GABBR2: variants seen among roughly 807,000 people sequenced by gnomAD.
GABBR2 encodes G-protein coupled receptor 51.
A neutral mutation model predicts 105.6 loss-of-function variants in GABBR2; 23 were observed. That is an observed-to-expected ratio of 0.22 (90% confidence interval 0.16 to 0.31). The LOEUF (loss-of-function observed/expected upper bound fraction) is 0.31, where lower values mean the gene tolerates loss of function less well. GABBR2 is among the 10% of genes least tolerant of loss of function. The pLI, the probability that GABBR2 is intolerant of heterozygous loss-of-function variation, is 1.00. For missense variants in GABBR2, 734 were observed against 1,245.5 expected, an observed-to-expected ratio of 0.59 and a Z score of 6.18; for synonymous variants, 478 against 499.7, an observed-to-expected ratio of 0.96 and a Z score of 0.58.
At chr9:98,414,850 T>C (rs1006385072) in intron 7 of GABBR2, among the ~76,000 whole-genome samples, 1 of 152,162 alleles carries the variant, frequency 6.6e-6, no homozygotes, top group African/African-American at 2.4e-5. Flanking sequence ...TCAACCAGAT[T>C]GATAGGATCT....
Position 98,351,589 on chromosome 9 carries a change from A to G in GABBR2, c.1893+11126T>C, listed in dbSNP as rs1425670223. The stretch of plus-strand genomic sequence containing the variant: ...AGAAATTCTTTCTTTTGCTTGATCT[A>G]GTCTATTTTTGAAGCTCTCAATTGT... On this transcript the variant is annotated intron_variant, in intron 13 of 18. Coordinates refer to ENST00000259455, the MANE Select transcript of GABBR2 (RefSeq NM_005458.8). Among the ~76,000 whole-genome samples the G allele has an allele frequency of 1.1e-4, 17 of 152,302 alleles. 1 individual carries two copies. The East Asian group carries it at 3.3e-3, about 29-fold the overall frequency.
chr9:98,403,111 T>C (rs1257122702), intron 8 of GABBR2, among the ~76,000 whole-genome samples: 2 of 151,892 alleles, frequency 1.3e-5, no homozygotes, highest in African/African-American at 4.8e-5. Flanking sequence ...CTGGCCAATA[T>C]GGTGAAACCC....
chr9:98,440,852 G>C lies in GABBR2; in HGVS notation c.1236+13129C>G, dbSNP rs143738065. On this transcript the variant is annotated intron_variant, in intron 7 of 18. Transcript: ENST00000259455. ...ATCCTGTCGGCTAAAATTTATGTCA[G>C]CTGTCTTCTCCTGATTTTAGAAAAC... Among the ~76,000 whole-genome samples the C allele has an allele frequency of 9.8e-3, 1,488 of 152,272 alleles. 12 individuals are homozygous for C. Among genetic ancestry groups the C allele is most frequent in the Non-Finnish European group, 0.017 (1,129 of 68,020 alleles).
intron 1 of GABBR2, among the ~76,000 whole-genome samples, chr9:98,596,825 C>T (rs1829242678): frequency 1.3e-5 from 2 of 152,176 alleles, no homozygotes; most frequent in Admixed American, 6.5e-5. Flanking sequence ...ACCCCCTCCC[C>T]TTAACAGCTA....
chr9:98,641,199 T>C (rs973934245), intron 1 of GABBR2, among the ~76,000 whole-genome samples: 3 of 151,142 alleles, frequency 2.0e-5, no homozygotes, highest in African/African-American at 7.3e-5. Context: ...AGTGGCACGA[T>C]CTCGGCTCAC....
At chr9:98,638,051 G>C (rs1024571863) in intron 1 of GABBR2, among the ~76,000 whole-genome samples, 1 of 152,138 alleles carries the variant, frequency 6.6e-6, no homozygotes, top group Non-Finnish European at 1.5e-5. Flanking sequence ...AACCTGCCCG[G>C]GGTCATACAG....
At chr9:98,636,589 G>A (rs1211783588) in intron 1 of GABBR2, among the ~76,000 whole-genome samples, 1 of 138,540 alleles carries the variant, frequency 7.2e-6, no homozygotes, top group Non-Finnish European at 1.5e-5. Context: ...CACCTCCTGG[G>A]TTCAAGCAAT....
intron 11 of GABBR2, among the ~76,000 whole-genome samples, chr9:98,374,365 T>A (rs76964538): frequency 0.08 from 12,161 of 152,300 alleles, 1,060 homozygotes; most frequent in African/African-American, 0.21. Flanking sequence ...TAGCTGAGGA[T>A]GCCTGGGCAG....
intron 3 of GABBR2, among the ~76,000 whole-genome samples, chr9:98,523,786 T>C (rs1193683301): frequency 6.6e-6 from 1 of 152,166 alleles, no homozygotes; most frequent in East Asian, 1.9e-4. Flanking sequence ...TTGTTGGTCA[T>C]TTTAGAGAGG....
At chr9:98,682,164 C>T (rs1245534934) in intron 1 of GABBR2, among the ~76,000 whole-genome samples, 1 of 150,642 alleles carries the variant, frequency 6.6e-6, no homozygotes, top group African/African-American at 2.4e-5. Context: ...GAGGTGGAGG[C>T]TGCAATAAGC....
chr9:98,387,649 G>A (rs1165172117), intron 10 of GABBR2, among the ~76,000 whole-genome samples: 3 of 151,974 alleles, frequency 2.0e-5, no homozygotes, highest in South Asian at 2.1e-4. Context: ...AAATAACCCC[G>A]GACACAGTGG....
chr9:98,510,099 G>A (rs577360100), intron 3 of GABBR2, among the ~76,000 whole-genome samples: 96 of 152,368 alleles, frequency 6.3e-4, no homozygotes, highest in Middle Eastern at 3.4e-3. Context: ...AGCCAGAAGA[G>A]AGTGGGGACC....
At chr9:98,444,461 T>C (rs76147841) in intron 7 of GABBR2, among the ~76,000 whole-genome samples, 6,474 of 152,168 alleles carry the variant, frequency 0.043, 177 homozygotes, top group East Asian at 0.15. Flanking sequence ...CCCCACCATA[T>C]TCAATAATAA....
chr9:98,476,623 GT>G (rs1826799908), intron 5 of GABBR2, among the ~76,000 whole-genome samples: 1 of 152,154 alleles, frequency 6.6e-6, no homozygotes, highest in Admixed American at 6.5e-5. Flanking sequence ...TCTCCTCTTG[GT>G]AACCCATAGT....
Position 98,658,359 on chromosome 9 carries a change from T to G in GABBR2, c.321+50058A>C, listed in dbSNP as rs549971522. Reference sequence around the variant, plus strand: ...TTTATAAAGCTCCCCAGGTGCTCCATGGGTACAGCTTCAGTGGAGAGCCAC... The same window carrying G: ...TTTATAAAGCTCCCCAGGTGCTCCAGGGGTACAGCTTCAGTGGAGAGCCAC... On this transcript the variant is annotated intron_variant, in intron 1 of 18. Coordinates refer to ENST00000259455, the MANE Select transcript of GABBR2 (RefSeq NM_005458.8). Among the ~76,000 whole-genome samples, 365 of 152,084 alleles carry G rather than the reference T, an allele frequency of 2.4e-3. 2 individuals carry two copies. Among genetic ancestry groups the G allele is most frequent in the Non-Finnish European group, 1.6e-3 (112 of 68,012 alleles).
chr9:98,437,064 A>G (rs1055051300), intron 7 of GABBR2, among the ~76,000 whole-genome samples: 1 of 152,184 alleles, frequency 6.6e-6, no homozygotes, highest in Admixed American at 6.5e-5. Context: ...GAATAAAGGC[A>G]TCAGATAAAA....
chr9:98,558,284 C>T (rs762993242), intron 2 of GABBR2, among the ~76,000 whole-genome samples: 9 of 152,200 alleles, frequency 5.9e-5, no homozygotes, highest in Non-Finnish European at 1.3e-4. Context: ...CCTGCTAACC[C>T]TAAGTAACCA....
rs1025752411 is a variant in GABBR2, at chr9:98,423,452, GGTT to G, written c.1237-17314_1237-17312del. On this transcript the variant is annotated intron_variant, in intron 7 of 18. Coordinates refer to ENST00000259455, the MANE Select transcript of GABBR2 (RefSeq NM_005458.8). ...ATAACCTTTGCCCACTTTTTGATGGGGTTGTTTTTTTCTTGTAAATTTGTTTGA... is the reference window on the plus strand; with the variant it reads ...ATAACCTTTGCCCACTTTTTGATGGGGTTTTTTTCTTGTAAATTTGTTTGA... Among the ~76,000 whole-genome samples, 17 of 152,194 alleles carry G rather than the reference GGTT, an allele frequency of 1.1e-4. No homozygotes were observed. In the East Asian group the frequency reaches 3.1e-3, roughly 28 times the overall value.
chr9:98,616,332 C>T (rs1829582048), intron 1 of GABBR2, among the ~76,000 whole-genome samples: 1 of 152,224 alleles, frequency 6.6e-6, no homozygotes, highest in Non-Finnish European at 1.5e-5. Context: ...ACACTTGTTC[C>T]TAATTGGTTG....
Sources: allele counts gnomAD v4.1 joint callset (sites outside exome capture counted in the v4.1 genomes callset), GRCh38; gene constraint gnomAD v4.1.1; transcripts MANE v1.5; gene names NCBI Gene and HGNC (gene_info 2026-07-23, HGNC 2026-07-21).